The following UGT1A10 variants were observed in gnomAD, a reference collection of about 807,000 sequenced individuals.
UGT1A10 encodes the protein UDP glucuronosyltransferase family 1 member A10.
In UGT1A10, 49 loss-of-function variants were observed where a neutral mutation model predicts 45.8. That is an observed-to-expected ratio of 1.07 (90% CI 0.85 to 1.36). UGT1A10 has a LOEUF of 1.36. Ranked by LOEUF, UGT1A10 falls within the 40% of genes most tolerant of loss-of-function variation. The probability of loss-of-function intolerance (pLI) is 0.00; values close to 1 mark genes in which losing one functional copy is unlikely to be tolerated. For missense variants in UGT1A10, 745 were observed against 668.6 expected, an observed-to-expected ratio of 1.11 and a Z score of -1.26; for synonymous variants, 284 against 249.7, an observed-to-expected ratio of 1.14 and a Z score of -1.29.
intron 1 of UGT1A10, among the ~76,000 whole-genome samples, chr2:233,678,748 T>G (rs1159437249): frequency 6.9e-6 from 1 of 145,830 alleles, no homozygotes; most frequent in African/African-American, 2.5e-5. Flanking sequence ...TGGAAAGCAC[T>G]CATCTCTATC....
At chr2:233,758,898 T>G (rs1462729445) in intron 1 of UGT1A10, among the ~76,000 whole-genome samples, 1 of 152,186 alleles carries the variant, frequency 6.6e-6, no homozygotes, top group Non-Finnish European at 1.5e-5. Context: ...AAATACAAAT[T>G]TGAGTTGTTT....
chr2:233,703,438 T>C (rs182684854), intron 1 of UGT1A10, among the ~76,000 whole-genome samples: 291 of 152,278 alleles, frequency 1.9e-3, no homozygotes, highest in African/African-American at 6.5e-3. Context: ...TCTCTATTTC[T>C]ATGTCGTTAA....
chr2:233,771,027 G>T (rs186703216), intron 4 of UGT1A10: 5 of 152,078 alleles, frequency 3.3e-5, no homozygotes, highest in Admixed American at 1.3e-4. Flanking sequence ...GAGAGAGTTG[G>T]GGGGGAAGGT....
rs542225006 is a variant in UGT1A10 at position 233,769,560 on chromosome 2, G to A, written c.1295+1121G>A. 3.2e-5 allele frequency: 51 copies of A among 1,612,868 alleles called. No individual in the cohort carries two copies. The African/African-American group carries it at 6.7e-4, about 21-fold the overall frequency. The stretch of plus-strand genomic sequence containing the variant: ...AAGCAGCAGTCAGGAAGACAGATGT[G>A]AAGAGCTGGAGCATGTTCAGATGAG... On this transcript the variant is annotated intron_variant, in intron 4 of 4. Transcript: ENST00000344644. The surrounding 1 kb of genome is among the most constrained non-coding windows in gnomAD (Gnocchi z 4.4).
At chr2:233,664,493 G>T (rs1396640647) in intron 1 of UGT1A10, among the ~76,000 whole-genome samples, 2 of 152,210 alleles carry the variant, frequency 1.3e-5, no homozygotes, top group Admixed American at 1.3e-4. Flanking sequence ...TCAAGATTTT[G>T]CAGGCTGTAC....
chr2:233,697,789 C>T (rs865908903), intron 1 of UGT1A10, among the ~76,000 whole-genome samples: 1 of 152,014 alleles, frequency 6.6e-6, no homozygotes, highest in South Asian at 2.1e-4. Flanking sequence ...TCATTCGTTT[C>T]AAGTAATTTT....
chr2:233,743,050 C>G (rs577515653), intron 1 of UGT1A10: 2 of 317,988 alleles, frequency 6.3e-6, no homozygotes, highest in African/African-American at 2.2e-5. Flanking sequence ...CCGTGTAGTC[C>G]CAACGATAAG....
intron 1 of UGT1A10, among the ~76,000 whole-genome samples, chr2:233,670,520 C>A (rs2074161270): frequency 6.6e-6 from 1 of 152,116 alleles, no homozygotes. Context: ...AAGCCTTTGC[C>A]AAACTGTTTA....
rs1699539864 is a variant in UGT1A10, at chr2:233,767,990, G to A, written c.1075+54G>A. ...CAAACCAGGGTCAAATTAAGAAAATGGCTTAAGCACAGCTATTCTAAAGGA... is the reference window on the plus strand; with the variant it reads ...CAAACCAGGGTCAAATTAAGAAAATAGCTTAAGCACAGCTATTCTAAAGGA... On this transcript the variant is annotated intron_variant, in intron 3 of 4. Coordinates refer to ENST00000344644, the MANE Select transcript of UGT1A10 (RefSeq NM_019075.4). 1.9e-5 allele frequency: 30 copies of A among 1,613,976 alleles called. No individual in the cohort carries two copies. In the South Asian group the frequency reaches 3.2e-4, roughly 17 times the overall value.
intron 1 of UGT1A10, chr2:233,689,861 TA>T (rs2074963231): frequency 2.2e-6 from 1 of 456,300 alleles, no homozygotes; most frequent in Non-Finnish European, 4.4e-6. Context: ...AGGCTACTAT[TA>T]CCTTCTTGCT....
chr2:233,747,258 A>T, intron 1 of UGT1A10: 1 of 1,600,094 alleles, frequency 6.2e-7, no homozygotes, highest in Non-Finnish European at 8.5e-7. Context: ...TGGCCACAGG[A>T]GTGCTACTCC....
chr2:233,677,944 A>G (rs2074404252), intron 1 of UGT1A10, among the ~76,000 whole-genome samples: 1 of 152,244 alleles, frequency 6.6e-6, no homozygotes, highest in Non-Finnish European at 1.5e-5. Context: ...AGTGGCTTAG[A>G]TGAAGAAAAT....
chr2:233,769,913 C>T lies in UGT1A10; in HGVS notation c.1295+1474C>T, dbSNP rs1699980310. 1.3e-5 allele frequency: 4 copies of T among 297,694 alleles called. No homozygotes were observed. The highest frequency in any genetic ancestry group is 6.9e-5 in the East Asian group (1 of 14,586). 18.4% of individuals were successfully genotyped at this position (297,694 alleles called of 1,614,324 possible). ...TAACCTGAGCATCATGTGCCCAGAG[C>T]GTTGGGTGGTGTGGTCCCATTCCTT... On this transcript the variant is annotated intron_variant, in intron 4 of 4. Transcript: ENST00000344644. The surrounding 1 kb of genome is among the most constrained non-coding windows in gnomAD (Gnocchi z 4.4).
chr2:233,760,764 C>T lies in UGT1A10; in HGVS notation c.856-6270C>T, dbSNP rs199766420. 1.0e-4 allele frequency: 164 copies of T among 1,614,088 alleles called. 1 individual carries two copies. The Middle Eastern group carries it at 2.1e-3, about 21-fold the overall frequency. ...ACCCTTTCCTTCCTTGCAGCCCCATCGTGGCCCAGTACCTGTCTCTGCCCA... is the reference window on the plus strand; with the variant it reads ...ACCCTTTCCTTCCTTGCAGCCCCATTGTGGCCCAGTACCTGTCTCTGCCCA... On this transcript the variant is annotated intron_variant, in intron 1 of 4. Transcript: ENST00000344644.
At chr2:233,747,075 A>G in intron 1 of UGT1A10, 1 of 1,060,426 alleles carries the variant, frequency 9.4e-7, no homozygotes. Flanking sequence ...GTAATAATTA[A>G]CTAGGAGGAG....
At chr2:233,710,916 A>G (rs1261394935) in intron 1 of UGT1A10, among the ~76,000 whole-genome samples, 1 of 152,218 alleles carries the variant, frequency 6.6e-6, no homozygotes, top group Non-Finnish European at 1.5e-5. Flanking sequence ...AGGTCTTTAG[A>G]CCACTTAGTC....
chr2:233,638,472 T>C (rs1278934540), intron 1 of UGT1A10, among the ~76,000 whole-genome samples: 10 of 152,226 alleles, frequency 6.6e-5, no homozygotes, highest in African/African-American at 9.6e-5. Context: ...CTGATATTTG[T>C]ACTGCTTCTT....
In UGT1A10 at chr2:233,769,189, A is replaced by T. The variant is rs1281206912; in HGVS notation, c.1295+750A>T. Among the ~76,000 whole-genome samples, 1 of 152,188 alleles carries T rather than the reference A, an allele frequency of 6.6e-6. No homozygotes were observed. Among genetic ancestry groups the T allele is most frequent in the East Asian group, 1.9e-4 (1 of 5,202 alleles). On this transcript the variant is annotated intron_variant, in intron 4 of 4. Transcript: ENST00000344644. This position sits in a 1 kb window ranked among gnomAD's most constrained non-coding sequence, Gnocchi z 4.4. The stretch of plus-strand genomic sequence containing the variant: ...TGTCCATGGAGTTTATGAATGAAGG[A>T]GCTATAAGATATCACAGACAAAGTC...
intron 1 of UGT1A10, chr2:233,719,341 G>A (rs188312736): frequency 1.2e-6 from 2 of 1,613,900 alleles, no homozygotes; most frequent in Non-Finnish European, 1.7e-6. Context: ...TTTTTTTGGA[G>A]GTACATTCCA....
Sources: gnomAD v4.1 joint callset for allele counts (sites outside exome capture counted in the v4.1 genomes callset) on GRCh38, gnomAD v4.1.1 for gene constraint, Gnocchi (gnomAD v3.1) non-coding constraint, MANE v1.5 for transcripts, NCBI Gene and HGNC (gene_info 2026-07-23, HGNC 2026-07-21) for gene names.